COX7A2L: variants seen among roughly 807,000 people sequenced by gnomAD.
COX7A2L encodes the protein cytochrome c oxidase subunit 7A2 like, also known as cytochrome c oxidase subunit 7A2-like, mitochondrial.
Under a neutral mutation model 14.2 loss-of-function variants are expected in COX7A2L, and 18 were observed. That is an observed-to-expected ratio of 1.27 (90% CI 0.88 to 1.88). COX7A2L has a LOEUF of 1.88. Among genes scored for constraint, COX7A2L ranks in the 40% most tolerant of loss-of-function variants. The probability of loss-of-function intolerance (pLI) is 0.00; values close to 1 mark genes in which losing one functional copy is unlikely to be tolerated. For synonymous variants in COX7A2L, 65 were observed against 57.4 expected (o/e 1.13, Z -0.60); for missense variants, 179 against 138.8 (o/e 1.29, Z -1.46).
intron 1 of COX7A2L, among the ~76,000 whole-genome samples, chr2:42,356,091 G>A (rs1002909128): frequency 6.6e-6 from 1 of 151,980 alleles, no homozygotes; most frequent in Admixed American, 6.6e-5. Flanking sequence ...GTGCAGTGGC[G>A]TGATCCTGGC....
chr2:42,351,437 T>TTTGGGAGGCCGAGGCGGGTGGATCATGAG, intron 2 of COX7A2L, 78 bp from the exon 3 acceptor site: 1 of 1,531,824 alleles, frequency 6.5e-7, no homozygotes, highest in South Asian at 1.2e-5. Flanking sequence ...ATAACAAATT[T>TTTGGGAGGCCGAGGCGGGTGGATCATGAG]GTCTACTCGG....
intron 1 of COX7A2L, among the ~76,000 whole-genome samples, chr2:42,356,876 T>C (rs1439833685): frequency 6.6e-6 from 1 of 152,204 alleles, no homozygotes; most frequent in African/African-American, 2.4e-5. Context: ...TAGTGAGCTG[T>C]GATCACGCCA....
chr2:42,362,748 C>T (rs1168607069), upstream of COX7A2L, among the ~76,000 whole-genome samples: 1 of 152,062 alleles, frequency 6.6e-6, no homozygotes, highest in Non-Finnish European at 1.5e-5. Context: ...TTCATGTAAG[C>T]CAGCCCAAAG....
chr2:42,360,924 A>C (rs1216955255), intron 1 of COX7A2L, 166 bp downstream of exon 1: 1 of 699,038 alleles, frequency 1.4e-6, no homozygotes. Context: ...AAGAAGCCTC[A>C]GTGACCACCG....
At chr2:42,368,692 C>G (rs745566259) in intron 1 of COX7A2L, among the ~76,000 whole-genome samples, 16 of 152,108 alleles carry the variant, frequency 1.1e-4, no homozygotes, top group Non-Finnish European at 1.6e-4. Flanking sequence ...ATATGAATGC[C>G]TAGGACACAG....
chr2:42,368,651 G>T (rs1671213293), intron 1 of COX7A2L, among the ~76,000 whole-genome samples: 2 of 152,212 alleles, frequency 1.3e-5, no homozygotes, highest in Admixed American at 1.3e-4. Context: ...AAATGGGAAT[G>T]ATATCTACTT....
At chr2:42,362,290 A>G (rs1455474860), upstream of COX7A2L, among the ~76,000 whole-genome samples, 2 of 152,222 alleles carry the variant, frequency 1.3e-5, no homozygotes, top group Non-Finnish European at 2.9e-5. Context: ...CTTACTCTCC[A>G]GGGATGGACT....
At position 42,350,100 on chromosome 2, in the gene COX7A2L, T is replaced by G. The variant is rs1413753830; in HGVS notation, c.*1119A>C. 6.6e-6 allele frequency: 1 copy of G among 152,180 alleles called. No individual in the cohort carries two copies. The highest frequency in any genetic ancestry group is 2.4e-5 in the African/African-American group (1 of 41,438). The allele number at this position is 152,180 out of a possible 1,614,324, so 9.4% of individuals were successfully genotyped here. ...GAGAGATATCACTGCAAGGCTACTA[T>G]TGAGTATTTTCAAATCACCACATCT... On this transcript the variant is annotated 3_prime_UTR_variant, in exon 3 of 3. Coordinates refer to ENST00000234301, the MANE Select transcript of COX7A2L (RefSeq NM_004718.4).
At chr2:42,340,302 T>C (rs1204102502) in intron 2 of COX7A2L, among the ~76,000 whole-genome samples, 1 of 152,152 alleles carries the variant, frequency 6.6e-6, no homozygotes, top group East Asian at 1.9e-4. Context: ...CTCGCGCCCC[T>C]GGGATCCATT....
chr2:42,345,123 C>T (rs1382671814), downstream of COX7A2L, among the ~76,000 whole-genome samples: 1 of 152,098 alleles, frequency 6.6e-6, no homozygotes, highest in Non-Finnish European at 1.5e-5. Flanking sequence ...TGGCTCACAC[C>T]TGTAATCCCA....
chr2:42,356,878 A>T (rs1670835885), intron 1 of COX7A2L, among the ~76,000 whole-genome samples: 1 of 152,236 alleles, frequency 6.6e-6, no homozygotes, highest in African/African-American at 2.4e-5. Flanking sequence ...GTGAGCTGTG[A>T]TCACGCCACT....
chr2:42,353,360 G>A lies in COX7A2L; in HGVS notation c.73-17C>T, dbSNP rs754052047. 1.2e-6 allele frequency: 2 copies of A among 1,611,694 alleles called. No individual in the cohort carries two copies. The highest frequency in any genetic ancestry group is 1.7e-6 in the Non-Finnish European group (2 of 1,179,462). On this transcript the variant is annotated splice_polypyrimidine_tract_variant and intron_variant, in intron 1 of 2. Coordinates refer to ENST00000234301, the MANE Select transcript of COX7A2L (RefSeq NM_004718.4). ...CTTTAATCCCTGTAGAGAAAAAAAG[G>A]AAAATGGCAAGTTGAAAGTATGTCT...
At chr2:42,341,662 T>C (rs1193364885) in intron 2 of COX7A2L, among the ~76,000 whole-genome samples, 1 of 152,226 alleles carries the variant, frequency 6.6e-6, no homozygotes, top group Admixed American at 6.5e-5. Flanking sequence ...GAGTACTTAG[T>C]TCCAGAGGAG....
downstream of COX7A2L, among the ~76,000 whole-genome samples, chr2:42,346,526 C>G (rs919882655): frequency 6.6e-6 from 1 of 152,092 alleles, no homozygotes. Flanking sequence ...ATCTGTAATC[C>G]CAACACTTTG....
downstream of COX7A2L, among the ~76,000 whole-genome samples, chr2:42,346,643 T>C (rs886388524): frequency 4.6e-5 from 7 of 151,896 alleles, no homozygotes; most frequent in African/African-American, 9.7e-5. Flanking sequence ...ACAGCGCCTA[T>C]TGTCCCACTA....
chr2:42,364,494 A>G (rs1671120661), upstream of COX7A2L, among the ~76,000 whole-genome samples: 1 of 152,062 alleles, frequency 6.6e-6, no homozygotes, highest in African/African-American at 2.4e-5. Context: ...CTGCTTGATA[A>G]CCCCAAGAAA....
In COX7A2L at chr2:42,338,459, T is replaced by C. The variant is rs779925534; in HGVS notation, c.193-4590A>G. Reference sequence around the variant, plus strand: ...CTCCGAGAGCGACAGGCCCCAGCTATGCTGGCAAGATCTGTGTTGATGTGG... The same window carrying C: ...CTCCGAGAGCGACAGGCCCCAGCTACGCTGGCAAGATCTGTGTTGATGTGG... On this transcript the variant is annotated intron_variant, in intron 2 of 2. Coordinates refer to the COX7A2L transcript ENST00000468711. The surrounding 1 kb of genome is among the most constrained non-coding windows in gnomAD (Gnocchi z 4.4). Among the ~76,000 whole-genome samples the C allele has an allele frequency of 2.6e-5, 4 of 152,180 alleles. No individual in the cohort carries two copies. Among genetic ancestry groups the C allele is most frequent in the South Asian group, 2.1e-4 (1 of 4,824 alleles).
intron 1 of COX7A2L, among the ~76,000 whole-genome samples, chr2:42,354,374 A>G (rs943271366): frequency 1.2e-4 from 19 of 152,190 alleles, no homozygotes; most frequent in African/African-American, 4.6e-4. Flanking sequence ...TAAAATAAGG[A>G]GCTAAGAGTT....
At chr2:42,346,025 G>T (rs932841909), downstream of COX7A2L, among the ~76,000 whole-genome samples, 8 of 152,152 alleles carry the variant, frequency 5.3e-5, no homozygotes, top group Admixed American at 4.6e-4. Flanking sequence ...TAAAGCGAAA[G>T]ATTCTGCACC....
Sources: gnomAD v4.1 joint callset for allele counts (sites outside exome capture counted in the v4.1 genomes callset) on GRCh38, gnomAD v4.1.1 for gene constraint, Gnocchi (gnomAD v3.1) non-coding constraint, MANE v1.5 for transcripts, NCBI Gene and HGNC (gene_info 2026-07-23, HGNC 2026-07-21) for gene names.